SLC35F2: variants seen among roughly 807,000 people sequenced by gnomAD.
The protein encoded by SLC35F2 is solute carrier family 35 member F2.
SLC35F2 carries 25 observed loss-of-function variants against 38.1 expected under a neutral mutation model. The observed-to-expected ratio is 0.66, with a 90% CI of 0.48 to 0.92. The LOEUF (loss-of-function observed/expected upper bound fraction) is 0.92, where lower values mean the gene tolerates loss of function less well. Among genes scored for constraint, SLC35F2 ranks in the 40% least tolerant of loss-of-function variants. SLC35F2 has a pLI of 0.00. For synonymous variants in SLC35F2, 173 were observed against 181.7 expected (o/e 0.95, Z 0.38); for missense variants, 409 against 452.9 (o/e 0.90, Z 0.88).
At chr11:107,834,087 T>C (rs1859892426) in intron 1 of SLC35F2, among the ~76,000 whole-genome samples, 2 of 152,306 alleles carry the variant, frequency 1.3e-5, no homozygotes, top group South Asian at 2.1e-4. Flanking sequence ...ATCAGTTAAT[T>C]GGGCTCCTTT....
Position 107,858,640 on chromosome 11 carries a change from C to G in SLC35F2, c.110+18G>C. 1 of 1,279,150 alleles carries G rather than the reference C, an allele frequency of 7.8e-7. No individual in the cohort carries two copies. Among genetic ancestry groups the G allele is most frequent in the Admixed American group, 3.7e-5 (1 of 27,232 alleles). The allele number at this position is 1,279,150 out of a possible 1,614,324, so 79.2% of individuals were successfully genotyped here. On this transcript the variant is annotated intron_variant, in intron 1 of 7. Coordinates refer to ENST00000525815, the MANE Select transcript of SLC35F2 (RefSeq NM_017515.5). ...CCCCCACGCCCCAGCGGAGCTGCAG[C>G]ACGCCCCTTCCACTCACCAGGTGAA...
intron 1 of SLC35F2, among the ~76,000 whole-genome samples, chr11:107,834,631 C>G (rs543633642): frequency 6.6e-6 from 1 of 152,232 alleles, no homozygotes; most frequent in African/African-American, 2.4e-5. Flanking sequence ...CCCTAGGTGA[C>G]AAGAGTGAAA....
At chr11:107,849,404 C>T (rs942053244) in intron 1 of SLC35F2, among the ~76,000 whole-genome samples, 1 of 151,954 alleles carries the variant, frequency 6.6e-6, no homozygotes, top group Non-Finnish European at 1.5e-5. Flanking sequence ...TTTGGGAGGC[C>T]GAGGTGGGCA....
At chr11:107,804,963 G>T in intron 5 of SLC35F2, 193 bp from the exon 6 acceptor site, 1 of 825,972 alleles carries the variant, frequency 1.2e-6, no homozygotes, top group Non-Finnish European at 1.5e-6. Flanking sequence ...AGATATGTTT[G>T]ACTCCCTTAC....
chr11:107,812,758 C>T (rs1205916417), intron 2 of SLC35F2, among the ~76,000 whole-genome samples: 1 of 152,054 alleles, frequency 6.6e-6, no homozygotes. Context: ...GCTTGTATGT[C>T]GCCACTTCTG....
At chr11:107,852,613 T>TA (rs968733883) in intron 1 of SLC35F2, among the ~76,000 whole-genome samples, 3 of 151,456 alleles carry the variant, frequency 2.0e-5, no homozygotes, top group African/African-American at 7.3e-5. Context: ...CTCATGCCTG[T>TA]AATCCCAGCA....
intron 1 of SLC35F2, among the ~76,000 whole-genome samples, chr11:107,847,757 C>G (rs1471042490): frequency 6.6e-6 from 1 of 152,154 alleles, no homozygotes; most frequent in Admixed American, 6.6e-5. Context: ...TTGGTGCTAA[C>G]AGTGAAAGCA....
rs1859129753 is a variant in SLC35F2 at position 107,791,455 on chromosome 11, G to A, written c.*1160C>T. The A allele has an allele frequency of 6.6e-6, 1 of 152,136 alleles. No individual in the cohort carries two copies. Among genetic ancestry groups the A allele is most frequent in the Admixed American group, 6.6e-5 (1 of 15,242 alleles). 9.4% of individuals were successfully genotyped at this position (152,136 alleles called of 1,614,324 possible). On this transcript the variant is annotated 3_prime_UTR_variant, in exon 8 of 8. Transcript: ENST00000525815. ...GGCATCTACATATATATGGAGCTCT[G>A]AAAACTGTTGGAGAGTATGACCTGG... is the stretch of plus-strand genomic sequence containing the variant.
At chr11:107,822,672 T>C (rs976453639) in intron 1 of SLC35F2, among the ~76,000 whole-genome samples, 7 of 152,112 alleles carry the variant, frequency 4.6e-5, no homozygotes, top group African/African-American at 9.7e-5. Context: ...GCCTGGCAAA[T>C]AGGGTATTTG....
intron 1 of SLC35F2, among the ~76,000 whole-genome samples, chr11:107,855,868 T>C (rs1413566212): frequency 2.7e-5 from 4 of 150,248 alleles, no homozygotes; most frequent in Non-Finnish European, 5.9e-5. Context: ...ATCCCAGCAC[T>C]TTTGGAGGCT....
At chr11:107,816,447 A>ATTTTTTTTT (rs5794572) in intron 1 of SLC35F2, among the ~76,000 whole-genome samples, 1 of 118,314 alleles carries the variant, frequency 8.5e-6, no homozygotes, top group African/African-American at 3.5e-5. Flanking sequence ...TGCCCAGCTA[A>ATTTTTTTTT]TTTTTTTTTT....
In SLC35F2 at chr11:107,805,281, T is replaced by TAAAC; in HGVS notation, c.731+74_731+77dup. On this transcript the variant is annotated intron_variant, in intron 5 of 7. Transcript: ENST00000525815. ...ATTCCAAATGTGAATTTGGGCCAAA[T>TAAAC]AAACAATGAATATTAGTAGTTATCA... 6 of 1,465,658 alleles carry TAAAC rather than the reference T, an allele frequency of 4.1e-6. No homozygotes were observed. In the South Asian group the frequency reaches 8.7e-5, roughly 21 times the overall value. The allele number at this position is 1,465,658 out of a possible 1,614,324, so 90.8% of individuals were successfully genotyped here. A position where few individuals can be genotyped will look rare whatever the true frequency, so the allele number is the denominator to read the frequency against.
intron 2 of SLC35F2, among the ~76,000 whole-genome samples, chr11:107,814,909 C>T (rs912327565): frequency 6.6e-6 from 1 of 152,114 alleles, no homozygotes; most frequent in Non-Finnish European, 1.5e-5. Flanking sequence ...AAGACCCGGA[C>T]TCCACTAAAA....
At chr11:107,799,721 C>A (rs533213190) in intron 7 of SLC35F2, among the ~76,000 whole-genome samples, 2 of 151,832 alleles carry the variant, frequency 1.3e-5, no homozygotes, top group Non-Finnish European at 2.9e-5. Flanking sequence ...TACAGATGCA[C>A]GCCACCACTC....
intron 3 of SLC35F2, chr11:107,810,008 G>A (rs1859458277): frequency 5.1e-6 from 5 of 985,280 alleles, no homozygotes; most frequent in Non-Finnish European, 4.8e-6. Context: ...TCCCATGACT[G>A]TTGGTAATTA....
rs1355759739 is a variant in SLC35F2 at position 107,818,070 on chromosome 11, AAAAAAGAAAGAAAGAAAG to A, written c.111-2123_111-2106del. ...AGACTCTGTCTCAAAAAAAAAAAAA[AAAAAAGAAAGAAAGAAAG>A]AAAGAAAGAAAGAAAGAAAGAAAGA... On this transcript the variant is annotated intron_variant, in intron 1 of 7. Coordinates refer to ENST00000525815, the MANE Select transcript of SLC35F2 (RefSeq NM_017515.5). Among the ~76,000 whole-genome samples, 72 of 126,278 alleles carry A rather than the reference AAAAAAGAAAGAAAGAAAG, an allele frequency of 5.7e-4. 1 individual carries two copies. The highest frequency in any genetic ancestry group is 3.8e-3 in the Middle Eastern group (1 of 266). The allele number at this position is 126,278 out of a possible 152,430, so 82.8% of individuals were successfully genotyped here.
At chr11:107,845,393 C>A (rs1317662193) in intron 1 of SLC35F2, among the ~76,000 whole-genome samples, 1 of 151,864 alleles carries the variant, frequency 6.6e-6, no homozygotes, top group Non-Finnish European at 1.5e-5. Context: ...GCCCGGGCAA[C>A]ATGGCAAAAC....
At position 107,858,660 on chromosome 11, in the gene SLC35F2, G is replaced by A. The variant is rs752688222; in HGVS notation, c.108C>T (p.Thr36=). 9 of 1,297,550 alleles carry A rather than the reference G, an allele frequency of 6.9e-6. No individual in the cohort carries two copies. Among genetic ancestry groups the A allele is most frequent in the African/African-American group, 6.0e-5 (4 of 66,144 alleles). The allele number at this position is 1,297,550 out of a possible 1,614,324, so 80.4% of individuals were successfully genotyped here. ...TGCAGCACGCCCCTTCCACTCACCA[G>A]GTGAAGAGTTTGCCTTTTATCCTGC... ...LLRRIKGKLF[T]WNILKTIALG... Residue 36 remains threonine, a splice_region_variant and synonymous_variant, in exon 1 of 8, where the codon ACC becomes ACT. Coordinates refer to ENST00000525815, the MANE Select transcript of SLC35F2 (RefSeq NM_017515.5).
chr11:107,821,534 G>T (rs915234070), intron 1 of SLC35F2: 54 of 985,160 alleles, frequency 5.5e-5, no homozygotes, highest in Non-Finnish European at 2.4e-5. Context: ...GACACTGAAG[G>T]CCTCAAAACA....
Sources: allele counts gnomAD v4.1 joint callset (sites outside exome capture counted in the v4.1 genomes callset), GRCh38; gene constraint gnomAD v4.1.1; transcripts MANE v1.5; gene names NCBI Gene and HGNC (gene_info 2026-07-23, HGNC 2026-07-21).